The following UBAP2 variants were observed in gnomAD, a reference collection of about 807,000 sequenced individuals.
UBAP2 encodes ubiquitin associated protein 2.
Under a neutral mutation model 139.6 loss-of-function variants are expected in UBAP2, and 75 were observed. The observed-to-expected ratio is 0.54, with a 90% confidence interval of 0.45 to 0.65. The LOEUF (loss-of-function observed/expected upper bound fraction) is 0.65. Ranked by LOEUF, UBAP2 falls within the 30% of genes least tolerant of loss-of-function variation. The pLI, the probability that UBAP2 is intolerant of heterozygous loss-of-function variation, is 0.00. For missense variants in UBAP2, 1,368 were observed against 1,369.6 expected, an observed-to-expected ratio of 1.00 and a Z score of 0.02; for synonymous variants, 526 against 526.2, an observed-to-expected ratio of 1.00 and a Z score of 0.01.
chr9:34,048,266 G>A lies in UBAP2; in HGVS notation c.-42+559C>T, dbSNP rs74503363. ...GTGATATAACCAGACTACAGGAACG[G>A]CGGGTGTGGAGGAAAACTGAGTCCC... On this transcript the variant is annotated intron_variant, in intron 1 of 28. Coordinates refer to ENST00000379238, the MANE Select transcript of UBAP2 (RefSeq NM_001370062.2). Among the ~76,000 whole-genome samples the A allele has an allele frequency of 3.5e-4, 54 of 152,330 alleles. No homozygotes were observed. The East Asian group carries it at 0.01, about 29-fold the overall frequency.
chr9:33,996,318 C>G lies in UBAP2; in HGVS notation c.193G>C (p.Gly65Arg). 1 of 1,613,212 alleles carries G rather than the reference C, an allele frequency of 6.2e-7. No individual in the cohort carries two copies. Among genetic ancestry groups the G allele is most frequent in the Non-Finnish European group, 8.5e-7 (1 of 1,179,744 alleles). The change falls in exon 4 of 29, where the codon GGG (glycine) becomes CGG (arginine). Residue 65 changes from glycine (G) to arginine (R), a missense_variant. Coordinates refer to ENST00000379238, the MANE Select transcript of UBAP2 (RefSeq NM_001370062.2). ...AKVKQLMEVT[G>R]KNQDECIVAL... ...ACTATGCATTCATCCTGATTTTTCC[C>G]TGTCACTTCCATAAGCTAGTGAACA...
chr9:33,943,332 T>A, intron 15 of UBAP2, 88 bp downstream of exon 15: 1 of 1,336,396 alleles, frequency 7.5e-7, no homozygotes, highest in Non-Finnish European at 1.0e-6. Context: ...ACACTGAGGA[T>A]AGCTATTACC....
In UBAP2 at chr9:33,989,371, T is replaced by C. The variant is rs533231367; in HGVS notation, c.289-245A>G. On this transcript the variant is annotated intron_variant, in intron 4 of 28. Transcript: ENST00000379238. ...CGCCTGCCACCACGCCCAACTAATT[T>C]TTTGTATTTTTAGTGGAGATGGGGT... Among the ~76,000 whole-genome samples the C allele has an allele frequency of 9.9e-4, 151 of 152,192 alleles. 1 individual carries two copies. The highest frequency in any genetic ancestry group is 1.9e-3 in the Non-Finnish European group (128 of 67,996).
At chr9:34,037,997 C>CAAA (rs72361484) in intron 1 of UBAP2, among the ~76,000 whole-genome samples, 20 of 87,350 alleles carry the variant, frequency 2.3e-4, no homozygotes, top group Admixed American at 5.3e-4. Flanking sequence ...CCTGTCTCTA[C>CAAA]AAAAAAAAAA....
chr9:34,035,457 G>A lies in UBAP2; in HGVS notation c.-42+13368C>T, dbSNP rs577643630. On this transcript the variant is annotated intron_variant, in intron 1 of 28. Transcript: ENST00000379238. ...GTGGAGGTTGCAGTGAGCCGAGATC[G>A]CGCCACTGCACTCCAGTCTGGGTGA... 9.4e-4 allele frequency among the ~76,000 whole-genome samples: 126 copies of A among 133,406 alleles called. 1 individual carries two copies. The highest frequency in any genetic ancestry group is 2.8e-3 in the South Asian group (12 of 4,234). 87.5% of individuals were successfully genotyped at this position (133,406 alleles called of 152,430 possible).
intron 1 of UBAP2, among the ~76,000 whole-genome samples, chr9:34,040,214 C>CTAGG (rs1292992486): frequency 1.3e-5 from 2 of 148,834 alleles, no homozygotes; most frequent in Admixed American, 6.8e-5. Flanking sequence ...GTCCCAGCTA[C>CTAGG]TAGGGAGGCT....
At chr9:33,951,325 C>A (rs1826079241) in intron 12 of UBAP2, among the ~76,000 whole-genome samples, 1 of 147,494 alleles carries the variant, frequency 6.8e-6, no homozygotes. Flanking sequence ...GCCTGGCCTC[C>A]CCAATGATTT....
chr9:34,003,559 C>A (rs1239535082), intron 2 of UBAP2, among the ~76,000 whole-genome samples: 1 of 151,970 alleles, frequency 6.6e-6, no homozygotes, highest in Non-Finnish European at 1.5e-5. Flanking sequence ...GTGTTCGCCA[C>A]CACACCCAGC....
intron 1 of UBAP2, among the ~76,000 whole-genome samples, chr9:34,036,342 C>T (rs1412228523): frequency 6.6e-6 from 1 of 152,036 alleles, no homozygotes; most frequent in Non-Finnish European, 1.5e-5. Context: ...GTCTCAAACT[C>T]CCGACCTCAG....
At chr9:34,004,826 G>T (rs1330205173) in intron 2 of UBAP2, among the ~76,000 whole-genome samples, 1 of 151,728 alleles carries the variant, frequency 6.6e-6, no homozygotes, top group African/African-American at 2.4e-5. Context: ...TTTAAGGCTG[G>T]GCACGGTGAC....
intron 2 of UBAP2, among the ~76,000 whole-genome samples, chr9:34,005,040 A>C (rs1823066300): frequency 6.6e-6 from 1 of 151,934 alleles, no homozygotes; most frequent in South Asian, 2.1e-4. Context: ...AGGCAGGCGG[A>C]TCACTTGAGG....
At chr9:33,923,691 A>AG in intron 24 of UBAP2, 104 bp downstream of exon 24, 1 of 1,261,952 alleles carries the variant, frequency 7.9e-7, no homozygotes, top group Non-Finnish European at 1.1e-6. Flanking sequence ...GGTAAGACGG[A>AG]GTGGAATCAC....
intron 5 of UBAP2, 93 bp downstream of exon 5, chr9:33,988,880 C>T (rs2131144603): frequency 2.1e-6 from 3 of 1,397,004 alleles, no homozygotes; most frequent in Non-Finnish European, 9.8e-7. Flanking sequence ...CGCAGTGACT[C>T]ATGCCTGTAA....
chr9:33,990,720 G>C (rs191457283), intron 4 of UBAP2, among the ~76,000 whole-genome samples: 202 of 145,394 alleles, frequency 1.4e-3, no homozygotes, highest in Non-Finnish European at 2.6e-3. Context: ...ACTGCAACCT[G>C]CATCTCCTGG....
At chr9:33,995,405 T>A (rs1822078106) in intron 4 of UBAP2, 1 of 137,406 alleles carries the variant, frequency 7.3e-6, no homozygotes, top group Non-Finnish European at 1.5e-5. Context: ...AATATATATA[T>A]AAAGTATATA....
At chr9:33,968,305 T>C in intron 8 of UBAP2, 1 of 601,034 alleles carries the variant, frequency 1.7e-6, no homozygotes, top group Non-Finnish European at 3.3e-6. Context: ...CCAAGAAAGC[T>C]ACTGGCCTCT....
At chr9:33,971,415 T>C (rs1450899502) in intron 8 of UBAP2, among the ~76,000 whole-genome samples, 1 of 152,226 alleles carries the variant, frequency 6.6e-6, no homozygotes. Flanking sequence ...AATTACCTTA[T>C]ATAGCCTCTT....
intron 1 of UBAP2, among the ~76,000 whole-genome samples, chr9:34,020,753 G>A (rs568568236): frequency 6.6e-6 from 1 of 151,718 alleles, no homozygotes; most frequent in African/African-American, 2.4e-5. Context: ...TCTGCTTCCT[G>A]GGTTCACGCC....
At chr9:34,028,388 ATTTAT>A (rs1825597777) in intron 1 of UBAP2, among the ~76,000 whole-genome samples, 1 of 150,758 alleles carries the variant, frequency 6.6e-6, no homozygotes, top group Non-Finnish European at 1.5e-5. Context: ...TTATTTATTT[ATTTAT>A]TTTGAGATGG....
Sources: allele counts gnomAD v4.1 joint callset (sites outside exome capture counted in the v4.1 genomes callset), GRCh38; gene constraint gnomAD v4.1.1; transcripts MANE v1.5; gene names NCBI Gene and HGNC (gene_info 2026-07-23, HGNC 2026-07-21).